The following NAV3 variants were observed in gnomAD, a reference collection of about 807,000 sequenced individuals.
NAV3 encodes pore membrane and/or filament interacting like protein 1.
NAV3 carries 87 observed loss-of-function variants against 244.7 expected under a neutral mutation model. The observed-to-expected ratio is 0.36, with a 90% CI of 0.30 to 0.42. The LOEUF is 0.42. Among genes scored for constraint, NAV3 ranks in the 20% least tolerant of loss-of-function variants. The pLI, the probability that NAV3 is intolerant of heterozygous loss-of-function variation, is 1.00. For synonymous variants in NAV3, 1,126 were observed against 1,042.2 expected (o/e 1.08, Z -1.55); for missense variants, 2,663 against 2,893.3 (o/e 0.92, Z 1.83).
At chr12:77,895,098 A>G (rs1452277092) in intron 1 of NAV3, among the ~76,000 whole-genome samples, 1 of 152,146 alleles carries the variant, frequency 6.6e-6, no homozygotes, top group Non-Finnish European at 1.5e-5. Context: ...GAAAGAAGAA[A>G]GAGAGATAGA....
At chr12:77,698,957 G>T (rs950305953) in intron 2 of NAV3, among the ~76,000 whole-genome samples, 1 of 152,104 alleles carries the variant, frequency 6.6e-6, no homozygotes, top group Admixed American at 6.6e-5. Flanking sequence ...CTTCATGTTA[G>T]AATGTTTCAT....
intron 1 of NAV3, among the ~76,000 whole-genome samples, chr12:77,893,555 A>G (rs1403050898): frequency 6.6e-6 from 1 of 152,112 alleles, no homozygotes; most frequent in African/African-American, 2.4e-5. Context: ...TTAAAAAGAA[A>G]GTTTATTAAT....
intron 8 of NAV3, among the ~76,000 whole-genome samples, chr12:78,020,291 TA>T (rs1369061080): frequency 6.6e-6 from 1 of 152,212 alleles, no homozygotes; most frequent in African/African-American, 2.4e-5. Context: ...GCTGCTGTTC[TA>T]AATGCTGCCG....
At chr12:77,634,179 A>C (rs1271945384) in intron 2 of NAV3, among the ~76,000 whole-genome samples, 2 of 151,834 alleles carry the variant, frequency 1.3e-5, no homozygotes, top group Non-Finnish European at 2.9e-5. Flanking sequence ...AAATGAAGAC[A>C]CTGTTAAATA....
In NAV3 at chr12:77,958,953, A is replaced by G. The variant is rs1891621034; in HGVS notation, c.415-7276A>G. 2.0e-5 allele frequency among the ~76,000 whole-genome samples: 3 copies of G among 152,204 alleles called. No homozygotes were observed. In the South Asian group the frequency reaches 6.2e-4, roughly 31 times the overall value. On this transcript the variant is annotated intron_variant, in intron 3 of 39. Transcript: ENST00000397909. ...AAATGTGGTGTCCGTTGAAATCATA[A>G]TGAATTTCTTTGTATTACTGCTATA... is the stretch of plus-strand genomic sequence containing the variant.
chr12:77,597,049 A>C (rs80160564), intron 2 of NAV3, among the ~76,000 whole-genome samples: 7,620 of 152,168 alleles, frequency 0.05, 399 homozygotes, highest in African/African-American at 0.13. Context: ...CTTTAACTCA[A>C]AGAGCAGTAT....
chr12:77,895,562 T>A (rs949781708), intron 1 of NAV3, among the ~76,000 whole-genome samples: 1 of 152,100 alleles, frequency 6.6e-6, no homozygotes, highest in Non-Finnish European at 1.5e-5. Flanking sequence ...ATGTTAATAT[T>A]CTCAGTAGTT....
At chr12:77,904,476 A>G (rs1415712429) in intron 1 of NAV3, among the ~76,000 whole-genome samples, 4 of 152,158 alleles carry the variant, frequency 2.6e-5, no homozygotes. Flanking sequence ...GGGGAACATC[A>G]CACACTGGGG....
intron 12 of NAV3, among the ~76,000 whole-genome samples, chr12:78,109,824 C>T (rs950198780): frequency 2.0e-5 from 3 of 151,876 alleles, no homozygotes; most frequent in Admixed American, 2.0e-4. Flanking sequence ...ATGTGACAAA[C>T]TCAGAGCTAA....
intron 2 of NAV3, among the ~76,000 whole-genome samples, chr12:77,780,175 A>T (rs1870593141): frequency 6.6e-6 from 1 of 152,180 alleles, no homozygotes; most frequent in Non-Finnish European, 1.5e-5. Flanking sequence ...TTTGTGCAGT[A>T]GACACTACCT....
intron 2 of NAV3, among the ~76,000 whole-genome samples, chr12:77,750,707 G>A (rs987169703): frequency 3.3e-5 from 5 of 152,020 alleles, no homozygotes; most frequent in African/African-American, 4.8e-5. Flanking sequence ...TAATAATTGT[G>A]GTATACAGTG....
intron 9 of NAV3, among the ~76,000 whole-genome samples, chr12:78,041,924 G>A (rs181303986): frequency 6.6e-6 from 1 of 151,904 alleles, no homozygotes; most frequent in East Asian, 1.9e-4. Context: ...GCTATTTTTT[G>A]CTTTTCTTTT....
At chr12:77,714,472 A>T (rs1876271290) in intron 2 of NAV3, among the ~76,000 whole-genome samples, 1 of 152,126 alleles carries the variant, frequency 6.6e-6, no homozygotes, top group Admixed American at 6.6e-5. Flanking sequence ...ACAGCCCATC[A>T]AATCTTTTTA....
chr12:77,812,181 C>A (rs940786383), intron 2 of NAV3, among the ~76,000 whole-genome samples: 1 of 152,152 alleles, frequency 6.6e-6, no homozygotes, highest in Non-Finnish European at 1.5e-5. Context: ...TTAATTGAGA[C>A]AAACTTTAGC....
intron 1 of NAV3, among the ~76,000 whole-genome samples, chr12:77,867,404 T>TTTGTTG (rs61105303): frequency 0.012 from 1,752 of 151,698 alleles, 33 homozygotes; most frequent in African/African-American, 0.04. Flanking sequence ...CAGGTATGTT[T>TTTGTTG]TTGTTGTTGT....
chr12:77,967,655 C>G (rs1032314203), intron 4 of NAV3, among the ~76,000 whole-genome samples: 1 of 152,002 alleles, frequency 6.6e-6, no homozygotes, highest in African/African-American at 2.4e-5. Context: ...TATTTTCAAG[C>G]TTTACATCCT....
In NAV3 at chr12:78,177,582, A is replaced by T. The variant is rs370475945; in HGVS notation, c.5298-38A>T. On this transcript the variant is annotated intron_variant, in intron 27 of 39. Coordinates refer to ENST00000397909, the MANE Select transcript of NAV3 (RefSeq NM_001024383.2). Reference sequence around the variant, plus strand: ...ATGATTCTCACTTCTTTTCATGGGCATTTGTCCATGTATCTGTCTAACTGT... The same window carrying T: ...ATGATTCTCACTTCTTTTCATGGGCTTTTGTCCATGTATCTGTCTAACTGT... The T allele has an allele frequency of 1.5e-4, 230 of 1,565,654 alleles. No individual in the cohort carries two copies. In the African/African-American group the frequency reaches 2.9e-3, roughly 20 times the overall value.
intron 1 of NAV3, among the ~76,000 whole-genome samples, chr12:77,895,195 A>C (rs1884434233): frequency 6.6e-6 from 1 of 152,184 alleles, no homozygotes; most frequent in Non-Finnish European, 1.5e-5. Context: ...TACTGACAGA[A>C]ATGCAGATAT....
intron 12 of NAV3, among the ~76,000 whole-genome samples, chr12:78,114,307 C>T (rs1209045896): frequency 2.0e-5 from 3 of 152,324 alleles, no homozygotes; most frequent in African/African-American, 7.2e-5. Flanking sequence ...TGCCACATTT[C>T]TGGGTATCTT....
Sources: allele counts gnomAD v4.1 joint callset (sites outside exome capture counted in the v4.1 genomes callset), GRCh38; gene constraint gnomAD v4.1.1; transcripts MANE v1.5; gene names NCBI Gene and HGNC (gene_info 2026-07-23, HGNC 2026-07-21).